The following PPIG variants were observed in gnomAD, a reference collection of about 807,000 sequenced individuals.
The protein encoded by PPIG is peptidylprolyl isomerase G, also known as peptidyl-prolyl cis-trans isomerase G.
PPIG carries 26 observed loss-of-function variants against 87.9 expected under a neutral mutation model. The observed-to-expected ratio is 0.30, with a 90% CI of 0.22 to 0.41. The LOEUF is 0.41. Ranked by LOEUF, PPIG falls within the 10% of genes least tolerant of loss-of-function variation. PPIG has a pLI of 1.00. For synonymous variants in PPIG, 308 were observed against 276.5 expected, an observed-to-expected ratio of 1.11 and a Z score of -1.13; for missense variants, 722 against 879.4, an observed-to-expected ratio of 0.82 and a Z score of 2.26.
chr2:169,605,896 A>T, intron 4 of PPIG, 143 bp from the exon 5 acceptor site: 3 of 623,894 alleles, frequency 4.8e-6, no homozygotes, highest in Non-Finnish European at 8.5e-6. Context: ...TTTTAAATGA[A>T]TTTTTAAAAA....
intron 9 of PPIG, among the ~76,000 whole-genome samples, chr2:169,627,727 A>ATTTTTTTTTTTTTTTTTTTTTTTT (rs1685930108): frequency 1.4e-5 from 1 of 70,968 alleles, no homozygotes; most frequent in African/African-American, 9.0e-5. Flanking sequence ...TTTTTTTTTA[A>ATTTTTTTTTTTTTTTTTTTTTTTT]TTTCAAACAC....
rs75418041 is a variant in PPIG, at chr2:169,612,802, A to G, written c.378-1662A>G. ...TTTTGGCTATTGTGAATACTGCTGC[A>G]GTGAGCATTGGCATTTGAGTTTCTT... On this transcript the variant is annotated intron_variant, in intron 7 of 13. Transcript: ENST00000260970. 2.7e-4 allele frequency among the ~76,000 whole-genome samples: 41 copies of G among 152,296 alleles called. No individual in the cohort carries two copies. In the East Asian group the frequency reaches 4.2e-3, roughly 16 times the overall value.
At chr2:169,603,061 G>A (rs143167016) in intron 1 of PPIG, among the ~76,000 whole-genome samples, 1 of 152,096 alleles carries the variant, frequency 6.6e-6, no homozygotes, top group South Asian at 2.1e-4. Flanking sequence ...TGTTTACTGA[G>A]TATTCAAGGG....
intron 1 of PPIG, among the ~76,000 whole-genome samples, chr2:169,594,972 A>G (rs1341911552): frequency 6.6e-6 from 1 of 151,798 alleles, no homozygotes; most frequent in African/African-American, 2.4e-5. Context: ...TCTGTTGCCC[A>G]AGCTGGAGTG....
chr2:169,604,383 C>T, intron 4 of PPIG, 122 bp downstream of exon 4: 1 of 789,758 alleles, frequency 1.3e-6, no homozygotes, highest in Non-Finnish European at 1.9e-6. Context: ...CGTTGTCCAA[C>T]TGGACTAGAA....
chr2:169,597,245 A>G (rs1173444256), intron 1 of PPIG, among the ~76,000 whole-genome samples: 1 of 152,128 alleles, frequency 6.6e-6, no homozygotes, highest in Non-Finnish European at 1.5e-5. Flanking sequence ...CCTCTTTTCC[A>G]GTTACCCATT....
chr2:169,631,679 T>C (rs1016769527), intron 10 of PPIG, 87 bp from the exon 11 acceptor site: 3 of 1,591,716 alleles, frequency 1.9e-6, no homozygotes, highest in South Asian at 1.2e-5. Context: ...TATAGTGATA[T>C]AAAGGAAAGA....
chr2:169,621,489 T>A (rs1317354366), intron 9 of PPIG, among the ~76,000 whole-genome samples: 1 of 152,096 alleles, frequency 6.6e-6, no homozygotes, highest in African/African-American at 2.4e-5. Flanking sequence ...CCTTTTTTCT[T>A]GAAGATTCAG....
chr2:169,629,692 G>A (rs779440763), intron 9 of PPIG, among the ~76,000 whole-genome samples: 19 of 152,162 alleles, frequency 1.2e-4, no homozygotes, highest in Admixed American at 8.5e-4. Flanking sequence ...GAGTCACACA[G>A]GACAAGTTGT....
intron 1 of PPIG, among the ~76,000 whole-genome samples, chr2:169,590,031 C>T (rs992188515): frequency 1.3e-5 from 2 of 151,710 alleles, no homozygotes; most frequent in African/African-American, 4.8e-5. Flanking sequence ...ATCTCTTGAA[C>T]CTGGGAGGCA....
intron 4 of PPIG, among the ~76,000 whole-genome samples, chr2:169,605,201 G>A (rs929570129): frequency 5.3e-5 from 8 of 152,162 alleles, no homozygotes; most frequent in Admixed American, 4.6e-4. Context: ...AGGCGTGGTA[G>A]TGGGTGCCTG....
At position 169,586,560 on chromosome 2, in the gene PPIG, G is replaced by T. The variant is rs148602023; in HGVS notation, c.-70+2070G>T. 6.5e-3 allele frequency among the ~76,000 whole-genome samples: 985 copies of T among 152,250 alleles called. 6 individuals carry two copies. Among genetic ancestry groups the T allele is most frequent in the Non-Finnish European group, 0.01 (698 of 68,018 alleles). On this transcript the variant is annotated intron_variant, in intron 1 of 13. Transcript: ENST00000260970. Reference sequence around the variant, plus strand: ...AACCATATAGTCGATTTACTGTGGTGCTTATTATTGTGGTCTTGCAGTATT... The same window carrying T: ...AACCATATAGTCGATTTACTGTGGTTCTTATTATTGTGGTCTTGCAGTATT...
In PPIG at chr2:169,637,027, A is replaced by G. The variant is rs1271198572; in HGVS notation, c.1769A>G (p.Tyr590Cys). 1 of 1,613,928 alleles carries G rather than the reference A, an allele frequency of 6.2e-7. No homozygotes were observed. Among genetic ancestry groups the G allele is most frequent in the South Asian group, 1.1e-5 (1 of 91,064 alleles). The stretch of plus-strand genomic sequence containing the variant: ...AGAGATCGCAGCAGAAGCAAGGAGT[A>G]CCATAGATACAGAGAACAGGAATAC... ...HDRDRSRSKE[Y>C]HRYREQEYRR... Residue 590 changes from tyrosine to cysteine, a missense_variant, in exon 14 of 14, where the codon TAC becomes TGC. Tyr to Cys is a radical substitution (Grantham distance 194). Transcript: ENST00000260970.
chr2:169,630,802 A>G lies in PPIG; in HGVS notation c.576A>G (p.Lys192=), dbSNP rs1226796300. ...KVKKEEKKRH[K]SSSSSSSSSS... is the part of the protein sequence containing the mutation. ...AGAAAGAAGAAAAGAAAAGGCATAA[A>G]TCATCATCATCTTCCTCCTCCTCAT... The change falls in exon 10 of 14, where the codon AAA becomes AAG. Residue 192 remains lysine (K), a synonymous_variant. Coordinates refer to ENST00000260970, the MANE Select transcript of PPIG (RefSeq NM_004792.3). 1 of 1,607,034 alleles carries G rather than the reference A, an allele frequency of 6.2e-7. No homozygotes were observed. The highest frequency in any genetic ancestry group is 8.5e-7 in the Non-Finnish European group (1 of 1,178,210).
At chr2:169,609,254 A>G (rs997415102) in intron 7 of PPIG, among the ~76,000 whole-genome samples, 5 of 152,056 alleles carry the variant, frequency 3.3e-5, no homozygotes, top group African/African-American at 1.2e-4. Flanking sequence ...TCTGTCACCC[A>G]GGCGAGTGCA....
chr2:169,588,678 C>G (rs192187660), intron 1 of PPIG, among the ~76,000 whole-genome samples: 64 of 151,904 alleles, frequency 4.2e-4, no homozygotes, highest in Non-Finnish European at 8.2e-4. Context: ...GAACTTAGAT[C>G]AGGCGGAGTG....
rs565726713 is a variant in PPIG at position 169,593,949 on chromosome 2, C to T, written c.-70+9459C>T. 3.3e-5 allele frequency among the ~76,000 whole-genome samples: 5 copies of T among 152,132 alleles called. No homozygotes were observed. In the East Asian group the frequency reaches 9.6e-4, roughly 29 times the overall value. Reference sequence around the variant, plus strand: ...CGATTACAGGTGTGAGCCACCACGCCCGGCCCACTGTTTTATATCTTGATT... The same window carrying T: ...CGATTACAGGTGTGAGCCACCACGCTCGGCCCACTGTTTTATATCTTGATT... On this transcript the variant is annotated intron_variant, in intron 1 of 13. Transcript: ENST00000260970.
intron 1 of PPIG, among the ~76,000 whole-genome samples, chr2:169,588,971 A>C (rs1043278088): frequency 2.6e-5 from 4 of 151,824 alleles, no homozygotes; most frequent in Admixed American, 1.3e-4. Context: ...AAAAAAAAAA[A>C]AAAAAAAAAA....
At chr2:169,613,230 G>A (rs1037063549) in intron 7 of PPIG, among the ~76,000 whole-genome samples, 20 of 152,158 alleles carry the variant, frequency 1.3e-4, no homozygotes, top group Admixed American at 3.9e-4. Context: ...ATTTCTAGGT[G>A]ATTTTAGTGA....
Sources: allele counts gnomAD v4.1 joint callset (sites outside exome capture counted in the v4.1 genomes callset), GRCh38; gene constraint gnomAD v4.1.1; transcripts MANE v1.5; gene names NCBI Gene and HGNC (gene_info 2026-07-23, HGNC 2026-07-21).